Variants in PHACTR3 observed in about 807,000 individuals in gnomAD.
PHACTR3 encodes the protein phosphatase and actin regulator 3, also known as protein phosphatase 1, regulatory subunit 123.
PHACTR3 carries 16 observed loss-of-function variants against 66.8 expected under a neutral mutation model. That is an observed-to-expected ratio of 0.24 (90% CI 0.16 to 0.36). PHACTR3 has a LOEUF of 0.36. PHACTR3 is among the 10% of genes least tolerant of loss of function. The pLI is 1.00. For synonymous variants in PHACTR3, 323 were observed against 292.1 expected (o/e 1.11, Z -1.08); for missense variants, 647 against 719.9 (o/e 0.90, Z 1.16).
At chr20:59,655,402 A>G (rs2035585387) in intron 1 of PHACTR3, among the ~76,000 whole-genome samples, 1 of 152,008 alleles carries the variant, frequency 6.6e-6, no homozygotes, top group Non-Finnish European at 1.5e-5. Flanking sequence ...TTGGCTTTCT[A>G]GGAGTTTGTC....
chr20:59,823,214 C>T (rs1454437599), intron 8 of PHACTR3, among the ~76,000 whole-genome samples: 2 of 152,182 alleles, frequency 1.3e-5, no homozygotes, highest in African/African-American at 4.8e-5. Context: ...CCACCTCATC[C>T]ATCTGTCCGG....
At chr20:59,668,475 A>G (rs2036073706) in intron 1 of PHACTR3, among the ~76,000 whole-genome samples, 1 of 152,132 alleles carries the variant, frequency 6.6e-6, no homozygotes, top group South Asian at 2.1e-4. Context: ...CCTTTCTCAC[A>G]GTTTGCAGGG....
At chr20:59,814,530 G>A (rs2041833256) in intron 8 of PHACTR3, among the ~76,000 whole-genome samples, 2 of 152,192 alleles carry the variant, frequency 1.3e-5, no homozygotes, top group Non-Finnish European at 2.9e-5. Context: ...GACTGGAACG[G>A]GAGACTGCCC....
chr20:59,805,685 T>C (rs1396428375), intron 7 of PHACTR3, among the ~76,000 whole-genome samples: 1 of 152,074 alleles, frequency 6.6e-6, no homozygotes, highest in East Asian at 1.9e-4. Flanking sequence ...GTGGCCACCA[T>C]GGGGAAAGTC....
At chr20:59,589,051 A>G (rs2033117291) in intron 1 of PHACTR3, among the ~76,000 whole-genome samples, 1 of 152,212 alleles carries the variant, frequency 6.6e-6, no homozygotes, top group Non-Finnish European at 1.5e-5. Flanking sequence ...CACAGTGTAT[A>G]GACTCACAGG....
At chr20:59,810,018 A>G (rs6100603) in intron 8 of PHACTR3, among the ~76,000 whole-genome samples, 10,139 of 152,250 alleles carry the variant, frequency 0.067, 1,090 homozygotes, top group African/African-American at 0.23. Flanking sequence ...GTACCAGTTA[A>G]TAATGGTTTT....
chr20:59,710,178 C>T (rs1326856999), intron 1 of PHACTR3, among the ~76,000 whole-genome samples: 1 of 152,110 alleles, frequency 6.6e-6, no homozygotes, highest in Non-Finnish European at 1.5e-5. Context: ...ATTCTTGAAT[C>T]AAAAGGCTTA....
chr20:59,806,716 T>G (rs540605066), intron 8 of PHACTR3, among the ~76,000 whole-genome samples: 1 of 152,342 alleles, frequency 6.6e-6, no homozygotes, highest in South Asian at 2.1e-4. Flanking sequence ...GGATACATTC[T>G]GAGAAATGCG....
chr20:59,676,674 A>T, intron 1 of PHACTR3: 1 of 984,996 alleles, frequency 1.0e-6, no homozygotes, highest in African/African-American at 1.7e-5. Flanking sequence ...TTTCAGGGAG[A>T]TTTGAGAGAA....
intron 1 of PHACTR3, among the ~76,000 whole-genome samples, chr20:59,635,168 TC>T (rs142474635): frequency 0.051 from 1,063 of 20,792 alleles, 46 homozygotes; most frequent in Middle Eastern, 0.18. Context: ...TTTCTTTCTT[TC>T]CTTTCTTTCT....
intron 1 of PHACTR3, among the ~76,000 whole-genome samples, chr20:59,654,610 C>T (rs1363107084): frequency 6.6e-6 from 1 of 152,060 alleles, no homozygotes; most frequent in East Asian, 1.9e-4. Flanking sequence ...TGAATGTGAC[C>T]AAGCTTTTAA....
chr20:59,595,144 A>G (rs1214494654), intron 1 of PHACTR3, among the ~76,000 whole-genome samples: 1 of 152,216 alleles, frequency 6.6e-6, no homozygotes, highest in African/African-American at 2.4e-5. Context: ...GTGGCCTGAG[A>G]GCAGATATTG....
At chr20:59,627,815 T>C (rs1298575241) in intron 1 of PHACTR3, among the ~76,000 whole-genome samples, 3 of 152,370 alleles carry the variant, frequency 2.0e-5, no homozygotes, top group African/African-American at 7.2e-5. Context: ...TATAAATATA[T>C]GTATATTCTA....
intron 1 of PHACTR3, among the ~76,000 whole-genome samples, chr20:59,651,821 T>C (rs1412295460): frequency 6.9e-6 from 1 of 145,982 alleles, no homozygotes; most frequent in Non-Finnish European, 1.5e-5. Flanking sequence ...ACCAACAGGA[T>C]CTTTTTGGTA....
chr20:59,796,961 C>T (rs2041268004), intron 7 of PHACTR3, among the ~76,000 whole-genome samples: 1 of 152,072 alleles, frequency 6.6e-6, no homozygotes, highest in African/African-American at 2.4e-5. Context: ...TATCTGTCTT[C>T]TTTGAAAATT....
chr20:59,677,337 C>T (rs139262055), intron 1 of PHACTR3, among the ~76,000 whole-genome samples: 1 of 152,238 alleles, frequency 6.6e-6, no homozygotes, highest in East Asian at 1.9e-4. Context: ...CACCACTGAA[C>T]CCTGGGTGGG....
intron 4 of PHACTR3, among the ~76,000 whole-genome samples, chr20:59,763,523 T>C (rs1464272385): frequency 1.3e-5 from 2 of 152,140 alleles, no homozygotes; most frequent in Non-Finnish European, 2.9e-5. Context: ...TCAGGAGAAT[T>C]TTTTGTGGGG....
Position 59,755,191 on chromosome 20 carries a change from G to A in PHACTR3, c.368G>A (p.Ser123Asn), listed in dbSNP as rs775387763. The A allele has an allele frequency of 6.2e-7, 1 of 1,612,322 alleles. No individual in the cohort carries two copies. Among genetic ancestry groups the A allele is most frequent in the Non-Finnish European group, 8.5e-7 (1 of 1,179,798 alleles). ...LLEMMEQDAE[S>N]KTCNPDGGPR... ...CTACATTTCCTTGTAGATGCTGAAA[G>A]CAAAACTTGCAACCCCGATGGAGGA... is the stretch of plus-strand genomic sequence containing the variant. Residue 123 changes from serine to asparagine, a missense_variant, in exon 4 of 13, where the codon AGC becomes AAC. Transcript: ENST00000371015.
intron 1 of PHACTR3, among the ~76,000 whole-genome samples, chr20:59,737,151 G>C (rs1442276365): frequency 2.0e-5 from 3 of 152,090 alleles, no homozygotes; most frequent in African/African-American, 7.2e-5. Context: ...TCCTGTCTTG[G>C]ACAGCCTGCC....
Sources: allele counts gnomAD v4.1 joint callset (sites outside exome capture counted in the v4.1 genomes callset), GRCh38; gene constraint gnomAD v4.1.1; transcripts MANE v1.5; gene names NCBI Gene and HGNC (gene_info 2026-07-23, HGNC 2026-07-21).